Variants in TAFA2 observed in about 807,000 individuals in gnomAD.
The protein encoded by TAFA2 is chemokine-like protein TAFA-2.
In TAFA2, 7 loss-of-function variants were observed where a neutral mutation model predicts 18.8. That is an observed-to-expected ratio of 0.37 (90% CI 0.21 to 0.70). The LOEUF is 0.70. Ranked by LOEUF, TAFA2 falls within the 30% of genes least tolerant of loss-of-function variation. The pLI is 0.53. For missense variants in TAFA2, 122 were observed against 158.1 expected (o/e 0.77, Z 1.23); for synonymous variants, 60 against 54.2 (o/e 1.11, Z -0.47).
chr12:62,081,443 A>G (rs1448572082), intron 1 of TAFA2, among the ~76,000 whole-genome samples: 1 of 151,798 alleles, frequency 6.6e-6, no homozygotes, highest in Non-Finnish European at 1.5e-5. Flanking sequence ...AGCAGATTCC[A>G]ATTTTTTTCT....
chr12:62,230,529 CTT>C (rs1408605358), intron 1 of TAFA2, among the ~76,000 whole-genome samples: 1 of 152,090 alleles, frequency 6.6e-6, no homozygotes, highest in Non-Finnish European at 1.5e-5. Flanking sequence ...CAAAGTTCCT[CTT>C]GTTATTAATT....
intron 1 of TAFA2, among the ~76,000 whole-genome samples, chr12:61,877,257 T>C (rs1874892930): frequency 6.6e-6 from 1 of 152,202 alleles, no homozygotes; most frequent in Non-Finnish European, 1.5e-5. Context: ...TTTCCCTTTA[T>C]GAATAAAATT....
At chr12:61,940,922 C>A (rs113674689) in intron 1 of TAFA2, among the ~76,000 whole-genome samples, 3 of 152,004 alleles carry the variant, frequency 2.0e-5, no homozygotes, top group African/African-American at 2.4e-5. Context: ...ACTAGATTAT[C>A]CAAGATAGGA....
chr12:61,961,404 G>A (rs980555249), intron 1 of TAFA2, among the ~76,000 whole-genome samples: 3 of 151,904 alleles, frequency 2.0e-5, no homozygotes, highest in African/African-American at 7.2e-5. Flanking sequence ...AAGTTCCATA[G>A]CTGTGGTCAT....
At chr12:61,975,641 T>A (rs1011132127) in intron 1 of TAFA2, among the ~76,000 whole-genome samples, 10 of 148,798 alleles carry the variant, frequency 6.7e-5, no homozygotes, top group Non-Finnish European at 1.2e-4. Context: ...ACTTCTAAAT[T>A]ATCCCCACAG....
intron 2 of TAFA2, among the ~76,000 whole-genome samples, chr12:61,788,453 G>T (rs187449804): frequency 5.5e-4 from 83 of 151,572 alleles, no homozygotes; most frequent in African/African-American, 1.8e-3. Context: ...ACATATGTTA[G>T]GCCACAAAAT....
intron 4 of TAFA2, among the ~76,000 whole-genome samples, chr12:61,729,316 A>G (rs1002287837): frequency 1.3e-5 from 2 of 152,008 alleles, no homozygotes; most frequent in Non-Finnish European, 2.9e-5. Context: ...ATTTTATCAA[A>G]TAAGTTTTCT....
intron 1 of TAFA2, among the ~76,000 whole-genome samples, chr12:62,065,410 C>T (rs1381346223): frequency 2.0e-5 from 3 of 151,936 alleles, no homozygotes; most frequent in East Asian, 1.9e-4. Context: ...TAAACAATGA[C>T]GGATTATAGC....
intron 1 of TAFA2, among the ~76,000 whole-genome samples, chr12:62,255,669 A>G (rs1186761057): frequency 1.3e-5 from 2 of 151,928 alleles, no homozygotes. Context: ...CCTGGCCAAC[A>G]TGGTGAAACC....
chr12:61,992,258 T>C (rs574291714), intron 1 of TAFA2, among the ~76,000 whole-genome samples: 50 of 152,258 alleles, frequency 3.3e-4, no homozygotes, highest in African/African-American at 1.1e-3. Flanking sequence ...GTTTGATAAT[T>C]TCTCCCATAC....
rs376487561 is a variant in TAFA2 at position 62,025,464 on chromosome 12, GA to G, written c.-1-158039del. On this transcript the variant is annotated intron_variant, in intron 1 of 4. Transcript: ENST00000416284. The stretch of plus-strand genomic sequence containing the variant: ...CAAATAAATGAAACTTTTTGAACGA[GA>G]AAAAATTCTGATTTCTAATGAAAAG... Among the ~76,000 whole-genome samples the G allele has an allele frequency of 4.8e-4, 73 of 152,166 alleles. 1 individual carries two copies. The East Asian group carries it at 0.013, about 27-fold the overall frequency.
At chr12:61,962,949 C>T (rs1878941240) in intron 1 of TAFA2, among the ~76,000 whole-genome samples, 1 of 152,084 alleles carries the variant, frequency 6.6e-6, no homozygotes, top group Non-Finnish European at 1.5e-5. Flanking sequence ...CTGTCCAACT[C>T]TCACTTATGA....
chr12:61,957,945 G>A (rs1220879479), intron 1 of TAFA2, among the ~76,000 whole-genome samples: 1 of 152,038 alleles, frequency 6.6e-6, no homozygotes, highest in Admixed American at 6.6e-5. Context: ...TGATGAAAAT[G>A]TGGAGCCATT....
At chr12:61,792,425 G>C (rs183752348) in intron 2 of TAFA2, among the ~76,000 whole-genome samples, 28 of 151,638 alleles carry the variant, frequency 1.8e-4, no homozygotes, top group Non-Finnish European at 3.0e-4. Flanking sequence ...GATGATAAAT[G>C]TTTGAGGTGA....
chr12:61,866,685 A>C (rs1874368316), intron 2 of TAFA2, among the ~76,000 whole-genome samples: 1 of 152,188 alleles, frequency 6.6e-6, no homozygotes, highest in Non-Finnish European at 1.5e-5. Flanking sequence ...GTTCAGTGGC[A>C]GAATTGAGCC....
At chr12:61,937,478 T>C (rs1877816877) in intron 1 of TAFA2, among the ~76,000 whole-genome samples, 1 of 151,960 alleles carries the variant, frequency 6.6e-6, no homozygotes, top group South Asian at 2.1e-4. Flanking sequence ...TGCAACAGAA[T>C]AGAGAACCCA....
At chr12:61,868,281 T>C (rs759051162) in intron 1 of TAFA2, among the ~76,000 whole-genome samples, 68 of 152,188 alleles carry the variant, frequency 4.5e-4, no homozygotes, top group Non-Finnish European at 7.6e-4. Context: ...CTGGGCCACA[T>C]TTAATGACAG....
At chr12:62,244,147 C>A (rs2062874349) in intron 1 of TAFA2, among the ~76,000 whole-genome samples, 4 of 138,310 alleles carry the variant, frequency 2.9e-5, no homozygotes, top group African/African-American at 8.1e-5. Flanking sequence ...TTAAGAAAAA[C>A]AAAGAAAACT....
intron 1 of TAFA2, among the ~76,000 whole-genome samples, chr12:61,907,036 A>T (rs1876386903): frequency 6.6e-6 from 1 of 152,214 alleles, no homozygotes; most frequent in Non-Finnish European, 1.5e-5. Flanking sequence ...TTAGGTTTAA[A>T]AGGGACGCAG....
Sources: allele counts gnomAD v4.1 joint callset (sites outside exome capture counted in the v4.1 genomes callset), GRCh38; gene constraint gnomAD v4.1.1; transcripts MANE v1.5; gene names NCBI Gene and HGNC (gene_info 2026-07-23, HGNC 2026-07-21).